The following MACROD2 variants were observed in gnomAD, a reference collection of about 807,000 sequenced individuals.
The protein encoded by MACROD2 is ADP-ribose glycohydrolase MACROD2.
MACROD2 carries 36 observed loss-of-function variants against 70.4 expected under a neutral mutation model. That is an observed-to-expected ratio of 0.51 (90% CI 0.39 to 0.68). The LOEUF (loss-of-function observed/expected upper bound fraction) is 0.68, where lower values mean the gene tolerates loss of function less well. Ranked by LOEUF, MACROD2 falls within the 30% of genes least tolerant of loss-of-function variation. MACROD2 has a pLI of 0.00. For synonymous variants in MACROD2, 172 were observed against 178.8 expected, an observed-to-expected ratio of 0.96 and a Z score of 0.30; for missense variants, 496 against 538.4, an observed-to-expected ratio of 0.92 and a Z score of 0.78.
intron 5 of MACROD2, among the ~76,000 whole-genome samples, chr20:14,854,033 C>A (rs1026467463): frequency 6.6e-6 from 1 of 152,056 alleles, no homozygotes; most frequent in Non-Finnish European, 1.5e-5. Context: ...ATTAGGTCAG[C>A]ATTAGGGGCT....
At chr20:15,294,980 T>A (rs946729290) in intron 6 of MACROD2, among the ~76,000 whole-genome samples, 1 of 152,236 alleles carries the variant, frequency 6.6e-6, no homozygotes, top group African/African-American at 2.4e-5. Flanking sequence ...GGTTTGGCTG[T>A]GTCCCCACTG....
chr20:15,483,484 A>G (rs1438012724), intron 7 of MACROD2, among the ~76,000 whole-genome samples: 1 of 152,164 alleles, frequency 6.6e-6, no homozygotes, highest in Non-Finnish European at 1.5e-5. Flanking sequence ...AAGTCAGGTA[A>G]TATCAGTCCT....
intron 8 of MACROD2, among the ~76,000 whole-genome samples, chr20:15,631,430 A>G (rs1253556882): frequency 1.3e-5 from 2 of 152,134 alleles, no homozygotes; most frequent in Admixed American, 6.5e-5. Flanking sequence ...TCTTGGAAAG[A>G]TTATTTTAAA....
chr20:15,919,980 C>A (rs925959845), intron 10 of MACROD2, among the ~76,000 whole-genome samples: 1 of 152,158 alleles, frequency 6.6e-6, no homozygotes, highest in Non-Finnish European at 1.5e-5. Context: ...GCACTCCCTG[C>A]TCCATACAGT....
chr20:15,305,021 G>A (rs1354293543), intron 6 of MACROD2, among the ~76,000 whole-genome samples: 1 of 152,112 alleles, frequency 6.6e-6, no homozygotes, highest in Non-Finnish European at 1.5e-5. Flanking sequence ...CCTTGGGTTG[G>A]CACAGTCTCT....
At chr20:15,675,247 A>C (rs959162250) in intron 8 of MACROD2, among the ~76,000 whole-genome samples, 7 of 152,296 alleles carry the variant, frequency 4.6e-5, no homozygotes, top group African/African-American at 1.4e-4. Flanking sequence ...AATTTTATTG[A>C]TCTCATAATT....
intron 6 of MACROD2, among the ~76,000 whole-genome samples, chr20:15,429,528 GT>G (rs1165917063): frequency 1.3e-5 from 2 of 151,992 alleles, no homozygotes; most frequent in Admixed American, 6.6e-5. Flanking sequence ...AAATTTTGAC[GT>G]TTTTAATAGA....
At chr20:16,036,651 T>C (rs2067240617) in intron 15 of MACROD2, among the ~76,000 whole-genome samples, 1 of 151,986 alleles carries the variant, frequency 6.6e-6, no homozygotes, top group African/African-American at 2.4e-5. Context: ...CAGATTATGT[T>C]GTCTATGTGA....
chr20:15,131,623 T>G (rs1474523039), intron 5 of MACROD2, among the ~76,000 whole-genome samples: 1 of 152,088 alleles, frequency 6.6e-6, no homozygotes, highest in East Asian at 1.9e-4. Context: ...AAATTATTAT[T>G]AAAAATGTTG....
At position 15,479,084 on chromosome 20, in the gene MACROD2, G is replaced by A. The variant is rs185661090; in HGVS notation, c.572-20690G>A. On this transcript the variant is annotated intron_variant, in intron 7 of 17. Coordinates refer to ENST00000684519, the MANE Select transcript of MACROD2 (RefSeq NM_001351661.2). ...CTTCATGAAAGTTCTTTGCTCCCTG[G>A]TCCTGAAAGGAAAATTAGATTAATG... Among the ~76,000 whole-genome samples the A allele has an allele frequency of 3.3e-5, 5 of 152,220 alleles. No individual in the cohort carries two copies. The East Asian group carries it at 9.7e-4, about 30-fold the overall frequency.
At chr20:15,818,553 A>C (rs1439774923) in intron 8 of MACROD2, among the ~76,000 whole-genome samples, 1 of 152,180 alleles carries the variant, frequency 6.6e-6, no homozygotes, top group Non-Finnish European at 1.5e-5. Context: ...GGTTTGGGCC[A>C]GTTTCTTTAC....
intron 3 of MACROD2, among the ~76,000 whole-genome samples, chr20:14,275,163 G>A (rs540055439): frequency 8.6e-5 from 13 of 152,024 alleles, no homozygotes; most frequent in Middle Eastern, 6.8e-3. Context: ...AAAAGAGCCC[G>A]CATCGCCAAG....
chr20:14,248,824 T>G (rs2081987698), intron 3 of MACROD2, among the ~76,000 whole-genome samples: 1 of 152,078 alleles, frequency 6.6e-6, no homozygotes, highest in Admixed American at 6.5e-5. Flanking sequence ...AATTTTTTTT[T>G]GTATATATTC....
At chr20:15,356,671 C>G (rs2078290830) in intron 6 of MACROD2, among the ~76,000 whole-genome samples, 1 of 152,264 alleles carries the variant, frequency 6.6e-6, no homozygotes, top group Middle Eastern at 3.4e-3. Context: ...GTAATCCCAG[C>G]TCCTCAGGAG....
At chr20:14,910,502 T>TG (rs1157125610) in intron 5 of MACROD2, among the ~76,000 whole-genome samples, 1 of 152,214 alleles carries the variant, frequency 6.6e-6, no homozygotes, top group African/African-American at 2.4e-5. Context: ...TGAGGAAGCA[T>TG]GAAGAATTCC....
At chr20:15,878,307 CTT>C (rs1298496749) in intron 9 of MACROD2, among the ~76,000 whole-genome samples, 1 of 152,136 alleles carries the variant, frequency 6.6e-6, no homozygotes, top group African/African-American at 2.4e-5. Flanking sequence ...GACATCTACT[CTT>C]TTGAAAGGTT....
intron 5 of MACROD2, among the ~76,000 whole-genome samples, chr20:14,704,332 G>C (rs534485579): frequency 6.6e-6 from 1 of 151,888 alleles, no homozygotes; most frequent in African/African-American, 2.4e-5. Flanking sequence ...GATTTATTGC[G>C]CCCTTTTCCT....
chr20:14,028,500 C>T (rs1216240885), intron 2 of MACROD2, among the ~76,000 whole-genome samples: 1 of 152,224 alleles, frequency 6.6e-6, no homozygotes, highest in Non-Finnish European at 1.5e-5. Flanking sequence ...AGCTCGGTGT[C>T]TGCCCAAACA....
intron 5 of MACROD2, among the ~76,000 whole-genome samples, chr20:15,192,018 C>CTATG (rs1167850328): frequency 5.1e-4 from 7 of 13,760 alleles, no homozygotes; most frequent in African/African-American, 1.4e-3. Flanking sequence ...AACTATGTAT[C>CTATG]TATCTATCTA....
Sources: allele counts gnomAD v4.1 joint callset (sites outside exome capture counted in the v4.1 genomes callset), GRCh38; gene constraint gnomAD v4.1.1; transcripts MANE v1.5; gene names NCBI Gene and HGNC (gene_info 2026-07-23, HGNC 2026-07-21).